The following GLYATL2 variants were observed in gnomAD, a reference collection of about 807,000 sequenced individuals.
GLYATL2 encodes the protein glycine N-acyltransferase-like protein 2.
In GLYATL2, 25 loss-of-function variants were observed where a neutral mutation model predicts 21.4. That is an observed-to-expected ratio of 1.17 (90% CI 0.85 to 1.63). GLYATL2 has a LOEUF of 1.63. GLYATL2 is among the 40% of genes most tolerant of loss of function. GLYATL2 has a pLI of 0.00. For missense variants in GLYATL2, 361 were observed against 343.3 expected (o/e 1.05, Z -0.41); for synonymous variants, 114 against 118.2 (o/e 0.96, Z 0.23).
chr11:58,874,594 T>C (rs1202312420), intron 1 of GLYATL2, among the ~76,000 whole-genome samples: 1 of 152,170 alleles, frequency 6.6e-6, no homozygotes, highest in Non-Finnish European at 1.5e-5. Context: ...TGTAGTTGTG[T>C]GGTTTTGAGT....
upstream of GLYATL2, chr11:58,905,556 C>T: frequency 2.2e-6 from 1 of 456,346 alleles, no homozygotes; most frequent in Non-Finnish European, 4.4e-6. Context: ...CCAGGCATCT[C>T]CCATACCCAC....
At chr11:58,886,634 C>T (rs1355915780) in intron 1 of GLYATL2, among the ~76,000 whole-genome samples, 1 of 152,154 alleles carries the variant, frequency 6.6e-6, no homozygotes, top group Non-Finnish European at 1.5e-5. Flanking sequence ...CAGAATTGGC[C>T]ATTGTTGGCT....
At chr11:58,840,107 G>GA (rs5792130) in intron 1 of GLYATL2, among the ~76,000 whole-genome samples, 2,839 of 150,768 alleles carry the variant, frequency 0.019, 35 homozygotes, top group South Asian at 0.048. Flanking sequence ...ATAATCTTCT[G>GA]AAAAAAAAAT....
chr11:58,877,902 C>T (rs939188760), intron 1 of GLYATL2, among the ~76,000 whole-genome samples: 1 of 152,190 alleles, frequency 6.6e-6, no homozygotes, highest in African/African-American at 2.4e-5. Flanking sequence ...GAACGGTAAC[C>T]TACCTTAATA....
At chr11:58,908,069 G>T (rs1450109189), upstream of GLYATL2, 2 of 152,316 alleles carry the variant, frequency 1.3e-5, no homozygotes, top group African/African-American at 4.8e-5. Flanking sequence ...AATCTCAAGG[G>T]TTGCCCACTG....
At chr11:58,843,229 A>C (rs1853584770) in intron 1 of GLYATL2, among the ~76,000 whole-genome samples, 1 of 152,138 alleles carries the variant, frequency 6.6e-6, no homozygotes. Context: ...GAAGAGGTAA[A>C]ATTTTTTCCT....
chr11:58,853,874 T>C (rs1163791066), intron 1 of GLYATL2, among the ~76,000 whole-genome samples: 1 of 152,190 alleles, frequency 6.6e-6, no homozygotes. Context: ...TATTTAAGTA[T>C]AGTCACCATG....
chr11:58,890,970 C>T (rs1417800234), intron 1 of GLYATL2, among the ~76,000 whole-genome samples: 1 of 151,856 alleles, frequency 6.6e-6, no homozygotes, highest in African/African-American at 2.4e-5. Flanking sequence ...TAAATAGCTC[C>T]ATTTGTTTTT....
intron 1 of GLYATL2, among the ~76,000 whole-genome samples, chr11:58,887,113 A>G (rs1255906146): frequency 6.6e-6 from 1 of 152,244 alleles, no homozygotes; most frequent in African/African-American, 2.4e-5. Context: ...TGTAGTTATT[A>G]TGTGTATTTT....
chr11:58,852,131 C>G (rs1228663533), intron 1 of GLYATL2, among the ~76,000 whole-genome samples: 1 of 152,144 alleles, frequency 6.6e-6, no homozygotes, highest in Non-Finnish European at 1.5e-5. Flanking sequence ...AACCAAATGA[C>G]TATATTTATG....
intron 1 of GLYATL2, among the ~76,000 whole-genome samples, chr11:58,854,393 A>G (rs1291846622): frequency 6.6e-6 from 1 of 152,236 alleles, no homozygotes; most frequent in Non-Finnish European, 1.5e-5. Context: ...TTCCCAGTGC[A>G]TATAAAAGTT....
chr11:58,862,200 T>C (rs2134595509), intron 1 of GLYATL2, among the ~76,000 whole-genome samples: 1 of 152,300 alleles, frequency 6.6e-6, no homozygotes, highest in South Asian at 2.1e-4. Context: ...AACTCCCTTA[T>C]ATGTTATTTG....
intron 1 of GLYATL2, among the ~76,000 whole-genome samples, chr11:58,873,366 T>G (rs556424653): frequency 2.2e-4 from 34 of 152,248 alleles, no homozygotes; most frequent in African/African-American, 7.9e-4. Context: ...CTTGTGCCAG[T>G]TTTCAAAGGG....
chr11:58,849,901 G>A (rs189478022), intron 1 of GLYATL2, among the ~76,000 whole-genome samples: 10 of 152,058 alleles, frequency 6.6e-5, no homozygotes, highest in Non-Finnish European at 1.5e-4. Context: ...AAAGCTGCAC[G>A]TTCAGCACAT....
rs977863247 is a variant in GLYATL2, at chr11:58,883,953, C to A, written n.60+20203G>T. Among the ~76,000 whole-genome samples the A allele has an allele frequency of 2.0e-5, 3 of 152,240 alleles. No homozygotes were observed. In the East Asian group the frequency reaches 5.8e-4, roughly 29 times the overall value. ...AACGTAATCCATCATATAAACACAA[C>A]CAAAGACAAAAGCCACATGATTTTC... On this transcript the variant is annotated intron_variant and non_coding_transcript_variant, in intron 1 of 4. Transcript: ENST00000533636.
chr11:58,845,301 TAA>T (rs1853623082), upstream of GLYATL2, among the ~76,000 whole-genome samples: 1 of 152,116 alleles, frequency 6.6e-6, no homozygotes, highest in Non-Finnish European at 1.5e-5. Flanking sequence ...TGGGAAAATA[TAA>T]GTTATAAAAT....
chr11:58,861,249 T>G (rs1853925653), intron 1 of GLYATL2, among the ~76,000 whole-genome samples: 1 of 152,002 alleles, frequency 6.6e-6, no homozygotes, highest in Non-Finnish European at 1.5e-5. Context: ...AATATTTTTT[T>G]TACTTATTTA....
At chr11:58,907,109 T>G (rs559890247), upstream of GLYATL2, 1,161 of 350,074 alleles carry the variant, frequency 3.3e-3, 15 homozygotes, top group South Asian at 0.017. Flanking sequence ...ACCATAATAG[T>G]TTTAGGGTGG....
chr11:58,905,395 G>A (rs1014169141), upstream of GLYATL2: 1 of 446,320 alleles, frequency 2.2e-6, no homozygotes, highest in Non-Finnish European at 4.5e-6. Context: ...ATCCCGCCTG[G>A]ATGCACGTCC....
Sources: allele counts gnomAD v4.1 joint callset (sites outside exome capture counted in the v4.1 genomes callset), GRCh38; gene constraint gnomAD v4.1.1; transcripts MANE v1.5; gene names NCBI Gene and HGNC (gene_info 2026-07-23, HGNC 2026-07-21).